The following IFI27 variants were observed in gnomAD, a reference collection of about 807,000 sequenced individuals.
The protein encoded by IFI27 is interferon alpha inducible protein 27.
Under a neutral mutation model 8.9 loss-of-function variants are expected in IFI27, and 3 were observed. The observed-to-expected ratio is 0.34, with a 90% CI of 0.15 to 0.87. The LOEUF (loss-of-function observed/expected upper bound fraction) is 0.87. Among genes scored for constraint, IFI27 ranks in the 40% least tolerant of loss-of-function variants. The pLI is 0.51. For synonymous variants in IFI27, 66 were observed against 67.3 expected (o/e 0.98, Z 0.09); for missense variants, 152 against 157.7 (o/e 0.96, Z 0.19).
intron 3 of IFI27, 34 bp downstream of exon 3, chr14:94,114,914 C>A (rs1234064986): frequency 6.2e-7 from 1 of 1,605,238 alleles, no homozygotes; most frequent in Non-Finnish European, 8.5e-7. Flanking sequence ...AAGTAACCAC[C>A]TGCCCCTAGG....
chr14:94,111,913 G>A lies in IFI27; in HGVS notation c.91+140G>A, dbSNP rs1202750845. 8 of 723,508 alleles carry A rather than the reference G, an allele frequency of 1.1e-5. No homozygotes were observed. The highest frequency in any genetic ancestry group is 1.6e-5 in the South Asian group (1 of 63,024). The allele number at this position is 723,508 out of a possible 1,614,324, so 44.8% of individuals were successfully genotyped here. ...CCTGTCCTGTCTTCTCACAGCAGGC[G>A]TCCACCCTAACTTTCCATCTGGGAG... On this transcript the variant is annotated intron_variant, in intron 2 of 4. Coordinates refer to ENST00000621160, the Ensembl canonical transcript of IFI27. This position sits in a 1 kb window ranked among gnomAD's most constrained non-coding sequence, Gnocchi z 4.3.
At chr14:94,112,187 C>A (rs1218272348) in intron 2 of IFI27, 1 of 180,352 alleles carries the variant, frequency 5.5e-6, no homozygotes, top group African/African-American at 2.4e-5. Flanking sequence ...TAACAAAATT[C>A]TTCAGCTCAC....
Position 94,111,881 on chromosome 14 carries a change from T to G in IFI27, c.91+108T>G. 1.1e-6 allele frequency: 1 copy of G among 873,678 alleles called. No individual in the cohort carries two copies. The highest frequency in any genetic ancestry group is 1.4e-5 in the South Asian group (1 of 74,032). 54.1% of individuals were successfully genotyped at this position (873,678 alleles called of 1,614,324 possible). Reference sequence around the variant, plus strand: ...GAGAAAATGGGGGACACCCGCAGCCTTGCTGCCCTGTCCTGTCTTCTCACA... The same window carrying G: ...GAGAAAATGGGGGACACCCGCAGCCGTGCTGCCCTGTCCTGTCTTCTCACA... On this transcript the variant is annotated intron_variant, in intron 2 of 4. Coordinates refer to ENST00000621160, the Ensembl canonical transcript of IFI27. This position sits in a 1 kb window ranked among gnomAD's most constrained non-coding sequence, Gnocchi z 4.3.
At chr14:94,113,849 C>G (rs1887284235) in intron 2 of IFI27, 1 of 152,760 alleles carries the variant, frequency 6.5e-6, no homozygotes, top group African/African-American at 2.4e-5. Flanking sequence ...ATACCTGCGT[C>G]TCTTTACTTC....
In IFI27 at chr14:94,111,604, A is replaced by C; in HGVS notation, c.-58-21A>C. On this transcript the variant is annotated intron_variant, in intron 1 of 4. Coordinates refer to ENST00000621160, the Ensembl canonical transcript of IFI27. This position sits in a 1 kb window ranked among gnomAD's most constrained non-coding sequence, Gnocchi z 4.3. ...CAGGTTGTGTGCCCATCCCGTCCTC[A>C]GAGCTCCATCCCTTCGGCAGGTCTG... is the stretch of plus-strand genomic sequence containing the variant. The C allele has an allele frequency of 8.3e-7, 1 of 1,209,512 alleles. No individual in the cohort carries two copies. Among genetic ancestry groups the C allele is most frequent in the South Asian group, 1.2e-5 (1 of 81,714 alleles). The allele number at this position is 1,209,512 out of a possible 1,614,324, so 74.9% of individuals were successfully genotyped here.
upstream of IFI27, among the ~76,000 whole-genome samples, chr14:94,109,477 C>A (rs958303970): frequency 6.6e-6 from 1 of 152,090 alleles, no homozygotes; most frequent in Non-Finnish European, 1.5e-5. Flanking sequence ...CAAGACCTGG[C>A]GAGTTCTGAC....
intron 2 of IFI27, among the ~76,000 whole-genome samples, chr14:94,112,373 C>G (rs1197385865): frequency 6.6e-6 from 1 of 152,208 alleles, no homozygotes; most frequent in African/African-American, 2.4e-5. Flanking sequence ...GGCATTTTAA[C>G]TGACATGCAG....
At chr14:94,108,557 T>C (rs895325065), upstream of IFI27, among the ~76,000 whole-genome samples, 1 of 152,180 alleles carries the variant, frequency 6.6e-6, no homozygotes, top group African/African-American at 2.4e-5. Flanking sequence ...TTGTGCTAAT[T>C]TGCAAAGTCT....
rs886515200 is a variant in IFI27, at chr14:94,116,148, C to T, written c.283+206C>T. 19 of 752,184 alleles carry T rather than the reference C, an allele frequency of 2.5e-5. 1 individual carries two copies. The highest frequency in any genetic ancestry group is 5.9e-5 in the South Asian group (4 of 67,744). 46.6% of individuals were successfully genotyped at this position (752,184 alleles called of 1,614,324 possible). On this transcript the variant is annotated intron_variant, in intron 4 of 4. Transcript: ENST00000621160. This position sits in a 1 kb window ranked among gnomAD's most constrained non-coding sequence, Gnocchi z 4.3. ...ACAGTGCACTCAGGAAGACTCAGCC[C>T]GAAGCAGATTTGCTGGGTTACCTGG...
chr14:94,111,801 T>C lies in IFI27; in HGVS notation c.91+28T>C, dbSNP rs749946085. The C allele has an allele frequency of 5.7e-6, 9 of 1,565,238 alleles. No homozygotes were observed. The highest frequency in any genetic ancestry group is 7.9e-6 in the Non-Finnish European group (9 of 1,135,804). ...GAGTGTTCCTGGGAGGGGCTGGTGC[T>C]GGGGGCGAGGAGGCGGCTGGGAAGG... On this transcript the variant is annotated intron_variant, in intron 2 of 4. Coordinates refer to ENST00000621160, the Ensembl canonical transcript of IFI27. This position sits in a 1 kb window ranked among gnomAD's most constrained non-coding sequence, Gnocchi z 4.3.
upstream of IFI27, among the ~76,000 whole-genome samples, chr14:94,107,171 G>A (rs1749155342): frequency 2.6e-5 from 4 of 152,144 alleles, 1 homozygote; most frequent in South Asian, 8.3e-4. Context: ...CCGGGTTCAA[G>A]CAATTCTCCT....
intron 2 of IFI27, chr14:94,114,093 A>G (rs1887296090): frequency 6.6e-6 from 1 of 152,374 alleles, no homozygotes; most frequent in African/African-American, 2.4e-5. Flanking sequence ...TGCCTGGAAG[A>G]ATCTGGGAAG....
Position 94,111,998 on chromosome 14 carries a change from C to T in IFI27, c.91+225C>T. On this transcript the variant is annotated intron_variant, in intron 2 of 4. Coordinates refer to ENST00000621160, the Ensembl canonical transcript of IFI27. This position sits in a 1 kb window ranked among gnomAD's most constrained non-coding sequence, Gnocchi z 4.3. ...CAGCCCTGGGTGTTCCACAGGTCCT[C>T]TCCCCTCTGGGCCCGGGCCTCCTCC... 1.7e-6 allele frequency: 1 copy of T among 601,858 alleles called. No individual in the cohort carries two copies. Among genetic ancestry groups the T allele is most frequent in the African/African-American group, 1.8e-5 (1 of 54,160 alleles). 37.3% of individuals were successfully genotyped at this position (601,858 alleles called of 1,614,324 possible). A position where few individuals can be genotyped will look rare whatever the true frequency, so the allele number is the denominator to read the frequency against.
chr14:94,116,458 CG>C lies in IFI27; in HGVS notation c.302del (p.Gly101AspfsTer2). 6.2e-7 allele frequency: 1 copy of C among 1,612,796 alleles called. No individual in the cohort carries two copies. Among genetic ancestry groups the C allele is most frequent in the Non-Finnish European group, 8.5e-7 (1 of 1,179,444 alleles). ...TCTTCCCAGGAGCAACTGGACTCTC[CG>C]GATTGACCAAGTTCATCCTGGGCTC... On this transcript the variant is annotated frameshift_variant, in exon 5 of 5. Coordinates refer to ENST00000621160, the Ensembl canonical transcript of IFI27. LOFTEE classifies it low-confidence loss of function (END_TRUNC). This position sits in a 1 kb window ranked among gnomAD's most constrained non-coding sequence, Gnocchi z 4.3.
At chr14:94,106,156 G>A (rs938718411), upstream of IFI27, among the ~76,000 whole-genome samples, 1 of 152,110 alleles carries the variant, frequency 6.6e-6, no homozygotes, top group Admixed American at 6.5e-5. Context: ...TCTCTGGGGG[G>A]CCTCTTTTAT....
At chr14:94,110,374 T>C (rs975012875), upstream of IFI27, among the ~76,000 whole-genome samples, 10 of 152,218 alleles carry the variant, frequency 6.6e-5, no homozygotes, top group Non-Finnish European at 1.0e-4. Flanking sequence ...AAACGGAACA[T>C]CTGCCTATCG....
chr14:94,113,310 T>G (rs1166042363), intron 2 of IFI27: 1 of 152,258 alleles, frequency 6.6e-6, no homozygotes, highest in African/African-American at 2.4e-5. Flanking sequence ...GAGACCAGCC[T>G]GGCCACCACG....
rs186905097 is a variant in IFI27, at chr14:94,115,354, C to A, written c.122-427C>A. The A allele has an allele frequency of 7.5e-4, 390 of 521,388 alleles. 1 individual carries two copies. The highest frequency in any genetic ancestry group is 1.3e-3 in the Non-Finnish European group (345 of 270,106). 32.3% of individuals were successfully genotyped at this position (521,388 alleles called of 1,614,324 possible). ...GTGCTCTGTGGCAACACCACGGAGC[C>A]CTAGAGCTGTCTCTTTGAGCCGCTC... On this transcript the variant is annotated intron_variant, in intron 3 of 4. Transcript: ENST00000621160.
At chr14:94,114,708 A>G in intron 2 of IFI27, 143 bp from the exon 3 acceptor site, 1 of 751,306 alleles carries the variant, frequency 1.3e-6, no homozygotes, top group East Asian at 2.6e-5. Context: ...GAAATGAAGC[A>G]AAGAGCGGTA....
Sources: allele counts gnomAD v4.1 joint callset (sites outside exome capture counted in the v4.1 genomes callset), GRCh38; gene constraint gnomAD v4.1.1; non-coding constraint Gnocchi (gnomAD v3.1); transcripts MANE v1.5; gene names NCBI Gene and HGNC (gene_info 2026-07-23, HGNC 2026-07-21).